Variants in LRCH1 observed in about 807,000 individuals in gnomAD.
LRCH1 encodes the protein leucine-rich repeat and calponin homology domain-containing protein 1.
In LRCH1, 23 loss-of-function variants were observed where a neutral mutation model predicts 94.9. The ratio of observed to expected loss-of-function variants is 0.24; its 90% CI spans 0.17 to 0.34. The LOEUF is 0.34. Ranked by LOEUF, LRCH1 falls within the 10% of genes least tolerant of loss-of-function variation. The probability of loss-of-function intolerance (pLI) is 1.00; values close to 1 mark genes in which losing one functional copy is unlikely to be tolerated. For missense variants in LRCH1, 790 were observed against 945.9 expected (o/e 0.84, Z 2.16); for synonymous variants, 364 against 354.9 (o/e 1.03, Z -0.29).
chr13:46,648,631 G>T (rs2051253429), intron 1 of LRCH1, among the ~76,000 whole-genome samples: 2 of 151,944 alleles, frequency 1.3e-5, no homozygotes, highest in Admixed American at 1.3e-4. Context: ...GTATTTTTTT[G>T]TTTAAATTGG....
intron 1 of LRCH1, among the ~76,000 whole-genome samples, chr13:46,554,472 C>T (rs2050040986): frequency 6.6e-6 from 1 of 152,160 alleles, no homozygotes; most frequent in Admixed American, 6.5e-5. Flanking sequence ...GTTACCCAAC[C>T]GTTGCGGGGG....
downstream of LRCH1, among the ~76,000 whole-genome samples, chr13:46,747,925 G>C (rs1281995917): frequency 6.6e-6 from 1 of 151,980 alleles, no homozygotes; most frequent in Admixed American, 6.6e-5. Flanking sequence ...TTTTTTTGGA[G>C]AAATGGGGGT....
At chr13:46,690,139 A>G (rs1870824057) in intron 7 of LRCH1, among the ~76,000 whole-genome samples, 1 of 152,048 alleles carries the variant, frequency 6.6e-6, no homozygotes, top group Non-Finnish European at 1.5e-5. Flanking sequence ...ATTTGAATTT[A>G]TTTTTCACAA....
Position 46,669,113 on chromosome 13 carries a change from C to G in LRCH1, c.536C>G (p.Ser179Ter). 1.2e-6 allele frequency: 2 copies of G among 1,614,182 alleles called. No homozygotes were observed. Among genetic ancestry groups the G allele is most frequent in the Non-Finnish European group, 1.7e-6 (2 of 1,180,026 alleles). Residue 179 changes from serine (S) to a stop codon, truncating the protein, a stop_gained, in exon 3 of 20, where the codon TCA becomes TGA. Transcript: ENST00000389797. LOFTEE classifies it high-confidence loss of function. ...ATCGCAAGTAACAACAAACTTGGAT[C>G]ATTACCAGAAGAGATAGGTCAGCTC... is the stretch of plus-strand genomic sequence containing the variant. ...VLIASNNKLG[S>*]LPEEIGQLKQ...
intron 3 of LRCH1, among the ~76,000 whole-genome samples, 185 bp downstream of exon 3, chr13:46,669,341 G>C (rs1886222): frequency 0.63 from 96,157 of 152,014 alleles, 30,936 homozygotes; most frequent in Middle Eastern, 0.73. Flanking sequence ...GACAGACACA[G>C]TTCCTGGAAT....
At chr13:46,695,756 C>A (rs1871149702) in intron 9 of LRCH1, among the ~76,000 whole-genome samples, 1 of 152,114 alleles carries the variant, frequency 6.6e-6, no homozygotes, top group Non-Finnish European at 1.5e-5. Context: ...AGAATGGGAT[C>A]CCTAAGTACT....
chr13:46,681,216 A>G (rs1272699479), intron 3 of LRCH1, among the ~76,000 whole-genome samples: 2 of 152,240 alleles, frequency 1.3e-5, no homozygotes, highest in Admixed American at 6.5e-5. Context: ...GCATCCAAAC[A>G]TTGCATTAAT....
In LRCH1 at chr13:46,553,435, G is replaced by A. The variant is rs1048783666; in HGVS notation, c.39G>A (p.Pro13=). Residue 13 remains proline (P), a synonymous_variant, in exon 1 of 20, where the codon CCG becomes CCA. Coordinates refer to ENST00000389797, the MANE Select transcript of LRCH1 (RefSeq NM_001164211.2). ...GAAGCGAACCCCAACCTTTCGTCCCGGCCCTTTCGGTAGCTACTCTGCACC... is the reference window on the plus strand; with the variant it reads ...GAAGCGAACCCCAACCTTTCGTCCCAGCCCTTTCGGTAGCTACTCTGCACC... ...TPGSEPQPFV[P]ALSVATLHPL... is the part of the protein sequence containing the mutation. 4 of 1,548,484 alleles carry A rather than the reference G, an allele frequency of 2.6e-6. No individual in the cohort carries two copies. The highest frequency in any genetic ancestry group is 1.7e-6 in the Non-Finnish European group (2 of 1,146,326).
intron 2 of LRCH1, among the ~76,000 whole-genome samples, chr13:46,651,223 G>A (rs1473414785): frequency 1.3e-5 from 2 of 152,224 alleles, no homozygotes; most frequent in African/African-American, 2.4e-5. Flanking sequence ...AGCAAGACTT[G>A]TGTTGAATAA....
intron 1 of LRCH1, among the ~76,000 whole-genome samples, chr13:46,624,973 G>T (rs1225922155): frequency 6.6e-6 from 1 of 152,184 alleles, no homozygotes; most frequent in Non-Finnish European, 1.5e-5. Flanking sequence ...TCAGTAGCCT[G>T]CATCCTCAGG....
intron 1 of LRCH1, among the ~76,000 whole-genome samples, chr13:46,561,073 A>G (rs1341622684): frequency 1.3e-5 from 2 of 152,180 alleles, no homozygotes; most frequent in East Asian, 1.9e-4. Context: ...TTCACTGGCC[A>G]TAAAGGAGGA....
chr13:46,726,566 C>T (rs545994619), intron 17 of LRCH1, among the ~76,000 whole-genome samples: 1 of 152,356 alleles, frequency 6.6e-6, no homozygotes, highest in South Asian at 2.1e-4. Context: ...CCCTCACCCA[C>T]ACCAGCAAGG....
At chr13:46,736,258 T>G (rs1361864569) in intron 19 of LRCH1, among the ~76,000 whole-genome samples, 4 of 152,188 alleles carry the variant, frequency 2.6e-5, no homozygotes, top group Non-Finnish European at 1.5e-5. Context: ...TGAACTTCTT[T>G]AATGATAATG....
intron 2 of LRCH1, among the ~76,000 whole-genome samples, chr13:46,650,743 G>A (rs1747222): frequency 0.44 from 31,013 of 70,694 alleles, 4,613 homozygotes; most frequent in East Asian, 0.61. Context: ...AAAAAAAAAA[G>A]AGAAAGCCTG....
At chr13:46,692,810 G>A (rs138919893) in intron 8 of LRCH1, among the ~76,000 whole-genome samples, 169 bp downstream of exon 8, 1 of 152,264 alleles carries the variant, frequency 6.6e-6, no homozygotes, top group African/African-American at 2.4e-5. Flanking sequence ...AAAAGTCAAA[G>A]ATGGATACTC....
At chr13:46,665,976 G>A (rs575202795) in intron 2 of LRCH1, among the ~76,000 whole-genome samples, 24 of 152,140 alleles carry the variant, frequency 1.6e-4, no homozygotes, top group Non-Finnish European at 3.4e-4. Context: ...GCTTTTGTGT[G>A]CCTGTGTATT....
rs149245031 is a variant in LRCH1 at position 46,605,557 on chromosome 13, C to T, written c.308-44644C>T. ...CTCCTTCCTATCCTACCCCTTCCTC[C>T]ACCTCATTTTTCTTCTTCTTTTTTA... On this transcript the variant is annotated intron_variant, in intron 1 of 19. Coordinates refer to ENST00000389797, the MANE Select transcript of LRCH1 (RefSeq NM_001164211.2). Among the ~76,000 whole-genome samples the T allele has an allele frequency of 2.8e-3, 427 of 152,262 alleles. 6 individuals are homozygous for T. Among genetic ancestry groups the T allele is most frequent in the African/African-American group, 9.7e-3 (405 of 41,546 alleles).
At chr13:46,591,693 C>CT in intron 1 of LRCH1, among the ~76,000 whole-genome samples, 1 of 152,328 alleles carries the variant, frequency 6.6e-6, no homozygotes, top group Non-Finnish European at 1.5e-5. Flanking sequence ...GATCAAGCCT[C>CT]TTGCCTTTAG....
At chr13:46,645,299 T>C (rs2051206614) in intron 1 of LRCH1, among the ~76,000 whole-genome samples, 1 of 152,230 alleles carries the variant, frequency 6.6e-6, no homozygotes, top group South Asian at 2.1e-4. Flanking sequence ...ATTACATTTT[T>C]CCCAAGTTTG....
Sources: allele counts gnomAD v4.1 joint callset (sites outside exome capture counted in the v4.1 genomes callset), GRCh38; gene constraint gnomAD v4.1.1; transcripts MANE v1.5; gene names NCBI Gene and HGNC (gene_info 2026-07-23, HGNC 2026-07-21).